Variants in RYR2 observed in about 807,000 individuals in gnomAD.
The protein encoded by RYR2 is ryanodine receptor 2, also known as cardiac muscle ryanodine receptor-calcium release channel.
Under a neutral mutation model 601.1 loss-of-function variants are expected in RYR2, and 227 were observed. The observed-to-expected ratio is 0.38, with a 90% CI of 0.34 to 0.42. The LOEUF (loss-of-function observed/expected upper bound fraction) is 0.42, where lower values mean the gene tolerates loss of function less well. Ranked by LOEUF, RYR2 falls within the 10% of genes least tolerant of loss-of-function variation. The pLI, the probability that RYR2 is intolerant of heterozygous loss-of-function variation, is 1.00. For missense variants in RYR2, 4,646 were observed against 6,156.5 expected (o/e 0.75, Z 8.21); for synonymous variants, 2,223 against 2,175.1 (o/e 1.02, Z -0.61).
At chr1:237,294,327 C>T (rs980600252) in intron 2 of RYR2, among the ~76,000 whole-genome samples, 1 of 152,100 alleles carries the variant, frequency 6.6e-6, no homozygotes, top group South Asian at 2.1e-4. Flanking sequence ...GACACAGCCA[C>T]TCAGTATTTT....
intron 1 of RYR2, among the ~76,000 whole-genome samples, chr1:237,223,148 T>A (rs1055009297): frequency 5.9e-5 from 9 of 152,254 alleles, no homozygotes; most frequent in African/African-American, 2.2e-4. Flanking sequence ...TACTTTGTAA[T>A]ACTGTCTTAT....
chr1:237,217,004 A>G (rs1296024010), intron 1 of RYR2, among the ~76,000 whole-genome samples: 1 of 152,166 alleles, frequency 6.6e-6, no homozygotes, highest in Non-Finnish European at 1.5e-5. Flanking sequence ...GCTGGACATT[A>G]CAGTATTTAG....
chr1:237,793,795 TGTAAAGATAGTGACCACAAGATATGCCA>T, intron 94 of RYR2, 44 bp from the exon 95 acceptor site: 1 of 1,212,152 alleles, frequency 8.2e-7, no homozygotes, highest in Non-Finnish European at 1.2e-6. Context: ...AAAGCTGTTT[TGTAAAGATAGTGACCACAAGATATGCCA>T]GTAAATCTAA....
intron 23 of RYR2, among the ~76,000 whole-genome samples, chr1:237,509,992 T>C (rs548364992): frequency 7.2e-5 from 11 of 152,306 alleles, no homozygotes; most frequent in Non-Finnish European, 1.5e-4. Context: ...AGGCCATGTA[T>C]GCAGGAAGTG....
At chr1:237,586,618 C>T (rs931756378) in intron 29 of RYR2, among the ~76,000 whole-genome samples, 1 of 152,212 alleles carries the variant, frequency 6.6e-6, no homozygotes, top group African/African-American at 2.4e-5. Context: ...GATGTTAACT[C>T]TTCTACAAAA....
At chr1:237,088,904 C>T (rs1040368832) in intron 1 of RYR2, among the ~76,000 whole-genome samples, 1 of 152,176 alleles carries the variant, frequency 6.6e-6, no homozygotes, top group African/African-American at 2.4e-5. Flanking sequence ...CAGTTGTTTC[C>T]AGTACTTACA....
intron 4 of RYR2, among the ~76,000 whole-genome samples, chr1:237,362,501 A>T (rs1179038233): frequency 1.3e-5 from 2 of 152,106 alleles, no homozygotes; most frequent in Non-Finnish European, 2.9e-5. Flanking sequence ...CATCATATCA[A>T]TTTTTAAAGG....
At chr1:237,551,525 C>A (rs1271168743) in intron 27 of RYR2, among the ~76,000 whole-genome samples, 1 of 70,520 alleles carries the variant, frequency 1.4e-5, no homozygotes. Flanking sequence ...AGCAAGACTC[C>A]GTCTCAAAAA....
At chr1:237,710,106 T>C (rs1406629280) in intron 70 of RYR2, among the ~76,000 whole-genome samples, 2 of 152,212 alleles carry the variant, frequency 1.3e-5, no homozygotes, top group East Asian at 1.9e-4. Context: ...GAATTTTCAC[T>C]ATTTTGTGTA....
chr1:237,793,450 A>G (rs1270538162), intron 94 of RYR2, among the ~76,000 whole-genome samples: 1 of 152,242 alleles, frequency 6.6e-6, no homozygotes, highest in Non-Finnish European at 1.5e-5. Flanking sequence ...GAAATTATTA[A>G]AGAGGTTTCT....
At chr1:237,484,434 C>T (rs1407144013) in intron 17 of RYR2, among the ~76,000 whole-genome samples, 2 of 152,146 alleles carry the variant, frequency 1.3e-5, no homozygotes, top group Non-Finnish European at 2.9e-5. Flanking sequence ...CATGGGAGCA[C>T]CAGCGTCATG....
chr1:237,127,215 T>C lies in RYR2; in HGVS notation c.48+84646T>C, dbSNP rs973697459. On this transcript the variant is annotated intron_variant, in intron 1 of 104. Transcript: ENST00000366574. The stretch of plus-strand genomic sequence containing the variant: ...ACACAGACAGGGCAACCATCCGATT[T>C]CTCAATCTTTTCCCCACCTTTCCCG... Among the ~76,000 whole-genome samples, 20 of 152,284 alleles carry C rather than the reference T, an allele frequency of 1.3e-4. 1 individual carries two copies. The highest frequency in any genetic ancestry group is 4.8e-4 in the African/African-American group (20 of 41,562).
At chr1:237,437,848 T>A (rs1707554024) in intron 12 of RYR2, among the ~76,000 whole-genome samples, 1 of 152,160 alleles carries the variant, frequency 6.6e-6, no homozygotes, top group African/African-American at 2.4e-5. Context: ...AAGTTAAAAA[T>A]TTACAGGTTT....
chr1:237,113,903 AAGAACTC>A (rs1364744534), intron 1 of RYR2, among the ~76,000 whole-genome samples: 2 of 152,232 alleles, frequency 1.3e-5, no homozygotes, highest in African/African-American at 4.8e-5. Flanking sequence ...GAAGGAAATG[AAGAACTC>A]AGCACGGACC....
intron 8 of RYR2, among the ~76,000 whole-genome samples, chr1:237,386,795 C>T (rs1271568661): frequency 6.6e-6 from 1 of 152,056 alleles, no homozygotes; most frequent in Admixed American, 6.5e-5. Context: ...GCTTTTGCAT[C>T]AAATTGCAGA....
intron 7 of RYR2, among the ~76,000 whole-genome samples, chr1:237,375,159 A>G (rs1253867653): frequency 6.6e-6 from 1 of 152,246 alleles, no homozygotes; most frequent in Admixed American, 6.5e-5. Flanking sequence ...AATATAACAT[A>G]CTTGATGCCA....
At chr1:237,125,011 G>C (rs1321802919) in intron 1 of RYR2, among the ~76,000 whole-genome samples, 1 of 152,244 alleles carries the variant, frequency 6.6e-6, no homozygotes, top group East Asian at 1.9e-4. Flanking sequence ...TGAAGGCTGA[G>C]ACTGAGCGAA....
At chr1:237,127,641 G>A (rs564432395) in intron 1 of RYR2, among the ~76,000 whole-genome samples, 1,789 of 149,210 alleles carry the variant, frequency 0.012, 28 homozygotes, top group African/African-American at 0.043. Context: ...GGCGGCTGCC[G>A]GGCGGAGGGT....
rs143787660 is a variant in RYR2 at position 237,614,860 on chromosome 1, A to G, written c.5715+17A>G. The G allele has an allele frequency of 2.0e-6, 3 of 1,536,782 alleles. No individual in the cohort carries two copies. The East Asian group carries it at 6.8e-5, about 35-fold the overall frequency. On this transcript the variant is annotated intron_variant, in intron 37 of 104. Transcript: ENST00000366574. The surrounding 1 kb of genome is among the most constrained non-coding windows in gnomAD (Gnocchi z 4.3). ...AAATTGCAGGTAATCAGAACAAGAGACTTGAGTGAATTTCAGAATTGCTAA... is the reference window on the plus strand; with the variant it reads ...AAATTGCAGGTAATCAGAACAAGAGGCTTGAGTGAATTTCAGAATTGCTAA...
Sources: allele counts gnomAD v4.1 joint callset (sites outside exome capture counted in the v4.1 genomes callset), GRCh38; gene constraint gnomAD v4.1.1; non-coding constraint Gnocchi (gnomAD v3.1); transcripts MANE v1.5; gene names NCBI Gene and HGNC (gene_info 2026-07-23, HGNC 2026-07-21).